The following ZFHX3 variants were observed in gnomAD, a reference collection of about 807,000 sequenced individuals.
The protein encoded by ZFHX3 is zinc finger homeobox 3.
In ZFHX3, 42 loss-of-function variants were observed where a neutral mutation model predicts 279.1. That is an observed-to-expected ratio of 0.15 (90% CI 0.12 to 0.19). ZFHX3 has a LOEUF of 0.19. Ranked by LOEUF, ZFHX3 falls within the 10% of genes least tolerant of loss-of-function variation. The probability of loss-of-function intolerance (pLI) is 1.00; values close to 1 mark genes in which losing one functional copy is unlikely to be tolerated. For missense variants in ZFHX3, 4,981 were observed against 4,754.0 expected (o/e 1.05, Z -1.40); for synonymous variants, 2,293 against 1,957.8 (o/e 1.17, Z -4.52).
intron 1 of ZFHX3, among the ~76,000 whole-genome samples, chr16:73,874,012 ACAGT>A (rs766703014): frequency 3.9e-5 from 6 of 152,326 alleles, no homozygotes; most frequent in East Asian, 1.9e-4. Flanking sequence ...GCTACTGAAA[ACAGT>A]CAGCCTTTTC....
intron 2 of ZFHX3, among the ~76,000 whole-genome samples, chr16:73,633,296 T>C (rs1459952537): frequency 6.6e-6 from 1 of 152,136 alleles, no homozygotes; most frequent in Non-Finnish European, 1.5e-5. Flanking sequence ...AAAGAAACTA[T>C]GACTGGCCAA....
chr16:73,598,765 T>C (rs1191728951), intron 2 of ZFHX3, among the ~76,000 whole-genome samples: 2 of 151,878 alleles, frequency 1.3e-5, no homozygotes, highest in Non-Finnish European at 2.9e-5. Context: ...ACTCTCTTTT[T>C]TGTTTGTTTG....
At chr16:73,629,556 A>C (rs1385137658) in intron 2 of ZFHX3, among the ~76,000 whole-genome samples, 1 of 152,148 alleles carries the variant, frequency 6.6e-6, no homozygotes, top group Non-Finnish European at 1.5e-5. Context: ...CCACGGAGCT[A>C]GTCACAGGAG....
At chr16:73,394,108 C>T (rs11644738) in intron 3 of ZFHX3, among the ~76,000 whole-genome samples, 41,297 of 150,602 alleles carry the variant, frequency 0.27, 7,487 homozygotes, top group Non-Finnish European at 0.41. Context: ...GATTTCACCA[C>T]CAGTTCCTCT....
chr16:73,114,686 G>A (rs10852517), intron 7 of ZFHX3, among the ~76,000 whole-genome samples: 77,076 of 151,812 alleles, frequency 0.51, 19,955 homozygotes, highest in Admixed American at 0.59. Context: ...CTCAAAAAAC[G>A]TAAAGTAAAA....
chr16:72,790,143 G>C (rs1366654668), intron 9 of ZFHX3: 4 of 152,448 alleles, frequency 2.6e-5, no homozygotes, highest in Non-Finnish European at 4.4e-5. Flanking sequence ...GGTAATGCAA[G>C]AGGGTGTTGC....
Position 73,743,411 on chromosome 16 carries a change from A to G in ZFHX3, c.-1607-63171T>C, listed in dbSNP as rs970676664. ...TACTTATACATATATTTGAACGCTT[A>G]TGGAAGCATTTCTGTTTGGTCAAAG... On this transcript the variant is annotated intron_variant, in intron 1 of 17. Coordinates refer to the ZFHX3 transcript ENST00000641206. Among the ~76,000 whole-genome samples, 15 of 152,356 alleles carry G rather than the reference A, an allele frequency of 9.8e-5. 1 individual carries two copies. The highest frequency in any genetic ancestry group is 3.9e-4 in the Admixed American group (6 of 15,302).
At chr16:73,258,381 G>C (rs1265249679) in intron 4 of ZFHX3, among the ~76,000 whole-genome samples, 1 of 148,522 alleles carries the variant, frequency 6.7e-6, no homozygotes, top group Non-Finnish European at 1.5e-5. Flanking sequence ...ACAGGGTCTC[G>C]CTCTGTCTCC....
intron 1 of ZFHX3, among the ~76,000 whole-genome samples, chr16:73,770,717 T>G (rs1442534462): frequency 6.6e-6 from 1 of 152,206 alleles, no homozygotes; most frequent in Non-Finnish European, 1.5e-5. Context: ...TTACGACATC[T>G]CCAATGAATT....
intron 3 of ZFHX3, among the ~76,000 whole-genome samples, chr16:73,430,557 A>G (rs2017892170): frequency 6.6e-6 from 1 of 152,168 alleles, no homozygotes; most frequent in Admixed American, 6.5e-5. Context: ...TTCCTCTTCT[A>G]TTCCAACATC....
intron 8 of ZFHX3, chr16:73,081,227 TA>T (rs1264911659): frequency 7.3e-5 from 11 of 151,326 alleles, no homozygotes; most frequent in Non-Finnish European, 1.5e-4. Context: ...TTCCATGAGA[TA>T]AATGAGCAAA....
intron 5 of ZFHX3, among the ~76,000 whole-genome samples, chr16:73,175,076 T>C (rs532865593): frequency 6.6e-6 from 1 of 151,348 alleles, no homozygotes; most frequent in South Asian, 2.1e-4. Context: ...TTAAGCCCAT[T>C]TCCCTGCTGA....
At chr16:73,865,356 A>T (rs910891073) in intron 1 of ZFHX3, among the ~76,000 whole-genome samples, 2 of 152,178 alleles carry the variant, frequency 1.3e-5, no homozygotes, top group African/African-American at 4.8e-5. Context: ...CCAAGACAGT[A>T]ACATCAGAGA....
intron 3 of ZFHX3, among the ~76,000 whole-genome samples, chr16:73,407,263 G>A (rs563084930): frequency 9.2e-5 from 14 of 152,264 alleles, no homozygotes; most frequent in East Asian, 3.9e-4. Context: ...CTGTAAATGC[G>A]GCCGCTATGC....
intron 3 of ZFHX3, among the ~76,000 whole-genome samples, chr16:73,438,214 T>C (rs1447949090): frequency 6.6e-6 from 1 of 152,180 alleles, no homozygotes; most frequent in East Asian, 1.9e-4. Context: ...CTCCAGAGAA[T>C]TTCAGCTCAT....
rs940037730 is a variant in ZFHX3, at chr16:72,913,743, G to A, written c.3217-23781C>T. Among the ~76,000 whole-genome samples, 9 of 152,118 alleles carry A rather than the reference G, an allele frequency of 5.9e-5. No homozygotes were observed. The East Asian group carries it at 9.6e-4, about 16-fold the overall frequency. On this transcript the variant is annotated intron_variant, in intron 3 of 9. Coordinates refer to ENST00000268489, the MANE Select transcript of ZFHX3 (RefSeq NM_006885.4). ...GCTGTTAATAAAATAAAAACATCTC[G>A]TAAAAGAGATAAACTTCTCTTTATG...
intron 3 of ZFHX3, among the ~76,000 whole-genome samples, chr16:73,346,183 C>CA (rs1406197575): frequency 6.6e-6 from 1 of 152,138 alleles, no homozygotes; most frequent in Non-Finnish European, 1.5e-5. Context: ...GATGCCCAGA[C>CA]AAAGTGTGAT....
chr16:73,721,998 C>A (rs1350121471), intron 1 of ZFHX3, among the ~76,000 whole-genome samples: 1 of 152,196 alleles, frequency 6.6e-6, no homozygotes, highest in East Asian at 1.9e-4. Flanking sequence ...TGAGCTGTGA[C>A]TGTGTCTCTG....
chr16:73,657,284 CT>C (rs200390774), intron 2 of ZFHX3, among the ~76,000 whole-genome samples: 9,182 of 152,270 alleles, frequency 0.06, 370 homozygotes, highest in Non-Finnish European at 0.09. Context: ...CGGCAAAACC[CT>C]GTCTCTACTA....
Sources: gnomAD v4.1 joint callset for allele counts (sites outside exome capture counted in the v4.1 genomes callset) on GRCh38, gnomAD v4.1.1 for gene constraint, MANE v1.5 for transcripts, NCBI Gene and HGNC (gene_info 2026-07-23, HGNC 2026-07-21) for gene names.